Variants in IGF1 observed in about 807,000 individuals in gnomAD.
IGF1 encodes insulin-like growth factor 1.
A neutral mutation model predicts 13.8 loss-of-function variants in IGF1; 4 were observed. That is an observed-to-expected ratio of 0.29 (90% CI 0.14 to 0.66). IGF1 has a LOEUF of 0.66. Among genes scored for constraint, IGF1 ranks in the 30% least tolerant of loss-of-function variants. The pLI is 0.78. For synonymous variants in IGF1, 76 were observed against 72.6 expected (o/e 1.05, Z -0.23); for missense variants, 124 against 188.5 (o/e 0.66, Z 2.00).
At chr12:102,437,231 GTC>G (rs1487845277) in intron 2 of IGF1, among the ~76,000 whole-genome samples, 4 of 152,308 alleles carry the variant, frequency 2.6e-5, no homozygotes, top group Admixed American at 2.6e-4. Context: ...CTCCCTAGCA[GTC>G]TCTCATGCAA....
At chr12:102,411,562 G>T (rs530537781) in intron 3 of IGF1, among the ~76,000 whole-genome samples, 2 of 152,132 alleles carry the variant, frequency 1.3e-5, no homozygotes, top group Non-Finnish European at 2.9e-5. Flanking sequence ...CCATTTGGCC[G>T]GTTTGGGTTT....
At chr12:102,465,094 A>G (rs1313250907) in intron 2 of IGF1, among the ~76,000 whole-genome samples, 2 of 152,250 alleles carry the variant, frequency 1.3e-5, no homozygotes, top group African/African-American at 2.4e-5. Flanking sequence ...GGTGGTCTCA[A>G]TGTAAAGTGA....
chr12:102,419,223 G>A (rs1875447998), intron 3 of IGF1, among the ~76,000 whole-genome samples: 1 of 152,224 alleles, frequency 6.6e-6, no homozygotes, highest in African/African-American at 2.4e-5. Context: ...CTAAGCTGGT[G>A]TGTGAGAAAG....
intron 1 of IGF1, among the ~76,000 whole-genome samples, chr12:102,477,083 T>G (rs1881094690): frequency 6.6e-6 from 1 of 152,154 alleles, no homozygotes; most frequent in African/African-American, 2.4e-5. Context: ...GCATTTTTTT[T>G]GAACCTCAGA....
intron 2 of IGF1, among the ~76,000 whole-genome samples, chr12:102,442,591 T>G (rs1224629065): frequency 6.6e-6 from 1 of 152,128 alleles, no homozygotes. Context: ...TGATTCTAAT[T>G]GTCATCTCTT....
intron 2 of IGF1, among the ~76,000 whole-genome samples, chr12:102,440,737 A>G (rs1243494207): frequency 1.3e-5 from 2 of 152,344 alleles, no homozygotes; most frequent in African/African-American, 4.8e-5. Context: ...GAACAAGGAT[A>G]GGTCACTCAG....
rs371700453 is a variant in IGF1 at position 102,477,535 on chromosome 12, AT to A, written c.64-1737del. On this transcript the variant is annotated intron_variant, in intron 1 of 3. Transcript: ENST00000337514. Reference sequence around the variant, plus strand: ...AGAAGCATGTTATCATCCAGTTCTCATTTTTTTTTTTTTTTGGTTGTAAAAT... The same window carrying A: ...AGAAGCATGTTATCATCCAGTTCTCATTTTTTTTTTTTTTGGTTGTAAAAT... Among the ~76,000 whole-genome samples, 50 of 140,600 alleles carry A rather than the reference AT, an allele frequency of 3.6e-4. 2 individuals are homozygous for A. The highest frequency in any genetic ancestry group is 3.9e-4 in the African/African-American group (15 of 38,244). The allele number at this position is 140,600 out of a possible 152,430, so 92.2% of individuals were successfully genotyped here.
rs561277482 is a variant in IGF1 at position 102,465,766 on chromosome 12, G to A, written c.220+9877C>T. ...AACCAGGCCAACATGGTGAAACCCC[G>A]TCTCTACTAAAAATACAAACATTAG... On this transcript the variant is annotated intron_variant, in intron 2 of 3. Coordinates refer to ENST00000337514, the MANE Select transcript of IGF1 (RefSeq NM_000618.5). Among the ~76,000 whole-genome samples, 13 of 152,022 alleles carry A rather than the reference G, an allele frequency of 8.6e-5. No individual in the cohort carries two copies. In the East Asian group the frequency reaches 1.9e-3, roughly 23 times the overall value.
chr12:102,425,435 C>T (rs113173885), intron 2 of IGF1, among the ~76,000 whole-genome samples: 30 of 152,258 alleles, frequency 2.0e-4, no homozygotes, highest in African/African-American at 7.0e-4. Flanking sequence ...CTACGACCTG[C>T]CCCCACCCTC....
chr12:102,479,076 C>T (rs770560825), intron 1 of IGF1, among the ~76,000 whole-genome samples: 24 of 152,210 alleles, frequency 1.6e-4, no homozygotes, highest in African/African-American at 5.8e-4. Context: ...GCAGAGATAA[C>T]GCTCCACAGC....
chr12:102,439,082 G>T (rs960150826), intron 2 of IGF1, among the ~76,000 whole-genome samples: 1 of 152,224 alleles, frequency 6.6e-6, no homozygotes, highest in African/African-American at 2.4e-5. Context: ...TTTACACAGA[G>T]TAAGTGCTTA....
At chr12:102,410,407 G>C (rs1874534667) in intron 3 of IGF1, among the ~76,000 whole-genome samples, 1 of 152,204 alleles carries the variant, frequency 6.6e-6, no homozygotes, top group African/African-American at 2.4e-5. Flanking sequence ...CGCAGAGGGA[G>C]TTGATTTTGG....
chr12:102,420,245 T>C (rs903779917), intron 2 of IGF1, among the ~76,000 whole-genome samples: 1 of 152,182 alleles, frequency 6.6e-6, no homozygotes, highest in Non-Finnish European at 1.5e-5. Flanking sequence ...ATTCATGCAG[T>C]AAGTCGTGGA....
At chr12:102,466,718 A>G (rs1008570502) in intron 2 of IGF1, among the ~76,000 whole-genome samples, 2 of 152,146 alleles carry the variant, frequency 1.3e-5, no homozygotes, top group African/African-American at 4.8e-5. Context: ...CATGGGCAAC[A>G]TGGTAAAACC....
intron 2 of IGF1, among the ~76,000 whole-genome samples, chr12:102,471,146 T>A (rs1727695919): frequency 6.6e-6 from 1 of 152,196 alleles, no homozygotes; most frequent in Admixed American, 6.5e-5. Context: ...TTACTTTAAC[T>A]GGGTGGAATC....
At chr12:102,477,005 G>A (rs773630133) in intron 1 of IGF1, among the ~76,000 whole-genome samples, 4 of 152,202 alleles carry the variant, frequency 2.6e-5, no homozygotes, top group Admixed American at 1.3e-4. Flanking sequence ...GTCCCTGACA[G>A]GGTGTTAGGT....
chr12:102,456,324 G>A (rs1436312749), intron 2 of IGF1, among the ~76,000 whole-genome samples: 1 of 151,034 alleles, frequency 6.6e-6, no homozygotes. Context: ...GCACTTCAAA[G>A]ACTAAACTGG....
At chr12:102,455,959 G>A (rs1257982880) in intron 2 of IGF1, among the ~76,000 whole-genome samples, 1 of 152,148 alleles carries the variant, frequency 6.6e-6, no homozygotes, top group African/African-American at 2.4e-5. Context: ...TCCATATCAG[G>A]CAGGTGCTCA....
At chr12:102,411,537 G>C (rs1166095868) in intron 3 of IGF1, among the ~76,000 whole-genome samples, 1 of 152,172 alleles carries the variant, frequency 6.6e-6, no homozygotes, top group Non-Finnish European at 1.5e-5. Flanking sequence ...ATGGATCCCA[G>C]CTTGGAAGCT....
Sources: allele counts gnomAD v4.1 joint callset (sites outside exome capture counted in the v4.1 genomes callset), GRCh38; gene constraint gnomAD v4.1.1; transcripts MANE v1.5; gene names NCBI Gene and HGNC (gene_info 2026-07-23, HGNC 2026-07-21).